The following INPP4A variants were observed in gnomAD, a reference collection of about 807,000 sequenced individuals.
INPP4A encodes the protein inositol polyphosphate-4-phosphatase, type I, 107kD.
A neutral mutation model predicts 119.8 loss-of-function variants in INPP4A; 33 were observed. The observed-to-expected ratio is 0.28, with a 90% confidence interval of 0.21 to 0.37. The LOEUF is 0.37. INPP4A is among the 10% of genes least tolerant of loss of function. The pLI is 1.00. For synonymous variants in INPP4A, 496 were observed against 500.7 expected, an observed-to-expected ratio of 0.99 and a Z score of 0.12; for missense variants, 956 against 1,289.9, an observed-to-expected ratio of 0.74 and a Z score of 3.97.
chr2:98,582,092 G>A (rs1167040783), intron 24 of INPP4A, among the ~76,000 whole-genome samples: 1 of 152,160 alleles, frequency 6.6e-6, no homozygotes, highest in African/African-American at 2.4e-5. Flanking sequence ...TACCTCTCAT[G>A]TGCCCTGTTT....
chr2:98,566,194 C>T lies in INPP4A; in HGVS notation c.2420+25C>T, dbSNP rs765541918. ...GGTGCGTGCCGGCTCCTCGGGGCTG[C>T]GGGGGTGTGGTGGCCCTGGAGATGA... On this transcript the variant is annotated intron_variant, in intron 21 of 24. Transcript: ENST00000409851. This position sits in a 1 kb window ranked among gnomAD's most constrained non-coding sequence, Gnocchi z 4.2. 101 of 1,556,492 alleles carry T rather than the reference C, an allele frequency of 6.5e-5. 1 individual carries two copies. The highest frequency in any genetic ancestry group is 5.8e-4 in the Admixed American group (31 of 53,116).
chr2:98,469,504 A>T (rs1675536793), intron 1 of INPP4A, among the ~76,000 whole-genome samples: 1 of 144,254 alleles, frequency 6.9e-6, no homozygotes, highest in African/African-American at 2.6e-5. Flanking sequence ...CGTCTCAAAA[A>T]AAAAAAAAAG....
chr2:98,573,602 T>C (rs1414464915), intron 23 of INPP4A, among the ~76,000 whole-genome samples: 1 of 152,098 alleles, frequency 6.6e-6, no homozygotes, highest in Non-Finnish European at 1.5e-5. Flanking sequence ...CCACCACACC[T>C]CAGCCACCAC....
At chr2:98,508,683 A>T (rs1393099885) in intron 1 of INPP4A, among the ~76,000 whole-genome samples, 1 of 152,190 alleles carries the variant, frequency 6.6e-6, no homozygotes, top group Non-Finnish European at 1.5e-5. Flanking sequence ...CTTTCAGTTA[A>T]TTGTGTGAGG....
At chr2:98,495,650 A>G (rs992579687) in intron 1 of INPP4A, among the ~76,000 whole-genome samples, 7 of 152,382 alleles carry the variant, frequency 4.6e-5, no homozygotes, top group African/African-American at 1.7e-4. Flanking sequence ...AGGTGGATTC[A>G]GAGATTTTCT....
rs1692550073 is a variant in INPP4A, at chr2:98,546,749, C to G, written c.1163+55C>G. 1 of 1,106,722 alleles carries G rather than the reference C, an allele frequency of 9.0e-7. No homozygotes were observed. Among genetic ancestry groups the G allele is most frequent in the South Asian group, 1.3e-5 (1 of 77,318 alleles). The allele number at this position is 1,106,722 out of a possible 1,614,324, so 68.6% of individuals were successfully genotyped here. Reference sequence around the variant, plus strand: ...TGTACAGCTTTCTGATGCTTCTTTTCTCAGTTTAAAATAAAATCAAAATAT... The same window carrying G: ...TGTACAGCTTTCTGATGCTTCTTTTGTCAGTTTAAAATAAAATCAAAATAT... On this transcript the variant is annotated intron_variant, in intron 13 of 24. Transcript: ENST00000409851. This position sits in a 1 kb window ranked among gnomAD's most constrained non-coding sequence, Gnocchi z 4.2.
chr2:98,454,299 A>G (rs903507055), intron 1 of INPP4A, among the ~76,000 whole-genome samples: 1 of 152,204 alleles, frequency 6.6e-6, no homozygotes, highest in Non-Finnish European at 1.5e-5. Context: ...GCTGGCTTAG[A>G]GTCAGCTATG....
chr2:98,473,675 G>A (rs1346204515), intron 1 of INPP4A, among the ~76,000 whole-genome samples: 3 of 152,100 alleles, frequency 2.0e-5, no homozygotes, highest in African/African-American at 4.8e-5. Context: ...ACCATAAGCC[G>A]GTTGCTACCT....
Position 98,457,701 on chromosome 2 carries a change from A to G in INPP4A, c.-166+12616A>G, listed in dbSNP as rs566445918. On this transcript the variant is annotated intron_variant, in intron 1 of 24. Transcript: ENST00000409851. The stretch of plus-strand genomic sequence containing the variant: ...ACAATAAACAGGAGTTTGGTTTATT[A>G]AAGCTGTTTGAGCTTGCTACTTAGG... 3.3e-4 allele frequency among the ~76,000 whole-genome samples: 50 copies of G among 152,358 alleles called. No individual in the cohort carries two copies. In the South Asian group the frequency reaches 0.01, roughly 32 times the overall value.
intron 1 of INPP4A, among the ~76,000 whole-genome samples, chr2:98,500,012 G>A (rs192564215): frequency 1.3e-3 from 194 of 152,200 alleles, no homozygotes; most frequent in Non-Finnish European, 1.4e-3. Flanking sequence ...ATCTAATTCC[G>A]GGGGAAACCT....
chr2:98,558,395 CTG>C (rs1470172582), intron 16 of INPP4A, among the ~76,000 whole-genome samples: 1 of 152,214 alleles, frequency 6.6e-6, no homozygotes, highest in Non-Finnish European at 1.5e-5. Flanking sequence ...TTCTATATCA[CTG>C]TGGGTTTCTA....
intron 1 of INPP4A, among the ~76,000 whole-genome samples, chr2:98,516,423 C>T (rs1481657857): frequency 6.6e-6 from 1 of 152,140 alleles, no homozygotes; most frequent in East Asian, 1.9e-4. Flanking sequence ...ATATAAACCA[C>T]CCTCCTAAGG....
rs2106234280 is a variant in INPP4A at position 98,555,672 on chromosome 2, C to T, written c.1686C>T (p.Gly562=). 6.2e-7 allele frequency: 1 copy of T among 1,613,982 alleles called. No individual in the cohort carries two copies. The highest frequency in any genetic ancestry group is 2.2e-5 in the East Asian group (1 of 44,882). The change falls in exon 16 of 25, where the codon GGC becomes GGT. Residue 562 remains glycine, a synonymous_variant. Transcript: ENST00000409851. ...EGCEDVFPCA[G]SCTSKKGNPD... ...GTGAGGATGTCTTCCCCTGTGCAGG[C>T]AGCTGCACCAGCAAGAAAGGTAACC...
At chr2:98,584,529 G>A (rs1236245962) in intron 24 of INPP4A, among the ~76,000 whole-genome samples, 5 of 152,260 alleles carry the variant, frequency 3.3e-5, no homozygotes, top group African/African-American at 7.2e-5. Context: ...CGGCCAGGCC[G>A]AGGAGCCCCT....
chr2:98,478,980 C>G (rs868355129), intron 1 of INPP4A, among the ~76,000 whole-genome samples: 18 of 152,198 alleles, frequency 1.2e-4, no homozygotes, highest in African/African-American at 4.1e-4. Flanking sequence ...GAATGCCTAG[C>G]AGTCACCTAG....
chr2:98,509,169 G>A (rs886580352), intron 1 of INPP4A, among the ~76,000 whole-genome samples: 1 of 152,148 alleles, frequency 6.6e-6, no homozygotes, highest in Non-Finnish European at 1.5e-5. Flanking sequence ...GTATCCCTAA[G>A]GCCTGCTCCA....
intron 1 of INPP4A, among the ~76,000 whole-genome samples, chr2:98,480,774 C>T (rs1213623884): frequency 6.6e-6 from 1 of 152,202 alleles, no homozygotes; most frequent in Non-Finnish European, 1.5e-5. Flanking sequence ...AGCCTCAGAC[C>T]GGAGAGCACT....
intron 1 of INPP4A, among the ~76,000 whole-genome samples, chr2:98,476,394 TC>T (rs1182166655): frequency 1.3e-5 from 2 of 152,232 alleles, no homozygotes; most frequent in African/African-American, 4.8e-5. Flanking sequence ...CTGTTTGCTG[TC>T]CCTCGGGAGG....
At chr2:98,512,804 C>T (rs965260266) in intron 1 of INPP4A, among the ~76,000 whole-genome samples, 5 of 152,192 alleles carry the variant, frequency 3.3e-5, no homozygotes, top group African/African-American at 1.2e-4. Flanking sequence ...GTGCTGGGGG[C>T]CTGGTGGGCT....
Sources: gnomAD v4.1 joint callset for allele counts (sites outside exome capture counted in the v4.1 genomes callset) on GRCh38, gnomAD v4.1.1 for gene constraint, Gnocchi (gnomAD v3.1) non-coding constraint, MANE v1.5 for transcripts, NCBI Gene and HGNC (gene_info 2026-07-23, HGNC 2026-07-21) for gene names.